The following RARB variants were observed in gnomAD, a reference collection of about 807,000 sequenced individuals.
RARB encodes retinoic acid receptor beta.
Under a neutral mutation model 51.9 loss-of-function variants are expected in RARB, and 17 were observed. That is an observed-to-expected ratio of 0.33 (90% CI 0.22 to 0.49). RARB has a LOEUF of 0.49. Among genes scored for constraint, RARB ranks in the 20% least tolerant of loss-of-function variants. RARB has a pLI of 0.99. For missense variants in RARB, 369 were observed against 550.8 expected (o/e 0.67, Z 3.30); for synonymous variants, 215 against 195.4 (o/e 1.10, Z -0.84).
At chr3:24,911,251 A>C (rs192335327) in intron 2 of RARB, among the ~76,000 whole-genome samples, 2 of 152,320 alleles carry the variant, frequency 1.3e-5, no homozygotes, top group African/African-American at 4.8e-5. Flanking sequence ...TAGAATTCTT[A>C]AGAAATGAAC....
chr3:24,990,164 T>C (rs1174569868), intron 2 of RARB, among the ~76,000 whole-genome samples: 3 of 106,334 alleles, frequency 2.8e-5, no homozygotes, highest in African/African-American at 1.1e-4. Context: ...TTATTTTCTT[T>C]TTTTCTTCTT....
At chr3:25,345,908 A>C (rs1705378971) in intron 5 of RARB, 2 of 889,508 alleles carry the variant, frequency 2.2e-6, no homozygotes, top group Non-Finnish European at 2.7e-6. Flanking sequence ...TGTCAGTTTA[A>C]AAAAAGAGAG....
intron 2 of RARB, among the ~76,000 whole-genome samples, chr3:25,008,939 A>G (rs1697335166): frequency 6.6e-6 from 1 of 152,146 alleles, no homozygotes; most frequent in Admixed American, 6.6e-5. Context: ...ACTAGTAACA[A>G]CAACTATACT....
chr3:25,429,219 G>C (rs146457804), intron 1 of RARB, among the ~76,000 whole-genome samples: 1 of 152,266 alleles, frequency 6.6e-6, no homozygotes, highest in African/African-American at 2.4e-5. Context: ...TCTTCAAGTA[G>C]GGCAATTTGA....
At chr3:25,349,910 A>G (rs138073026) in intron 5 of RARB, among the ~76,000 whole-genome samples, 73 of 151,920 alleles carry the variant, frequency 4.8e-4, no homozygotes, top group African/African-American at 1.7e-3. Context: ...AGAACAGTCT[A>G]TTTCCAAATG....
At chr3:25,048,015 G>T (rs539324047) in intron 2 of RARB, among the ~76,000 whole-genome samples, 1 of 152,294 alleles carries the variant, frequency 6.6e-6, no homozygotes, top group East Asian at 1.9e-4. Flanking sequence ...CCCTGCACAA[G>T]CTCTCTCACC....
intron 3 of RARB, among the ~76,000 whole-genome samples, chr3:25,527,683 A>T (rs968744045): frequency 2.0e-5 from 3 of 152,324 alleles, no homozygotes; most frequent in Middle Eastern, 3.4e-3. Flanking sequence ...TTTTAAGGTA[A>T]AAAGGGTTTT....
chr3:24,981,499 C>G (rs945194820), intron 2 of RARB, among the ~76,000 whole-genome samples: 1 of 152,108 alleles, frequency 6.6e-6, no homozygotes, highest in African/African-American at 2.4e-5. Flanking sequence ...CAGTGGACGC[C>G]CCTCCCCCCA....
At chr3:24,985,260 T>C (rs1233044602) in intron 2 of RARB, among the ~76,000 whole-genome samples, 3 of 152,172 alleles carry the variant, frequency 2.0e-5, no homozygotes, top group African/African-American at 7.2e-5. Context: ...GGCATTGAGA[T>C]TGCACGCCAA....
intron 2 of RARB, among the ~76,000 whole-genome samples, chr3:25,038,485 A>G (rs1182650850): frequency 6.6e-6 from 1 of 152,148 alleles, no homozygotes; most frequent in Non-Finnish European, 1.5e-5. Flanking sequence ...TGACCCCCAC[A>G]CATTGTTAGA....
intron 4 of RARB, among the ~76,000 whole-genome samples, chr3:25,161,244 C>T (rs569507860): frequency 6.3e-4 from 95 of 151,096 alleles, no homozygotes; most frequent in African/African-American, 2.0e-3. Flanking sequence ...GACAGGGTTT[C>T]GCTATGTTTG....
intron 4 of RARB, among the ~76,000 whole-genome samples, chr3:25,147,657 T>A (rs572658410): frequency 1.3e-5 from 2 of 152,144 alleles, no homozygotes; most frequent in Non-Finnish European, 2.9e-5. Context: ...GACCTGACAT[T>A]TGTTTGTAAG....
intron 2 of RARB, among the ~76,000 whole-genome samples, chr3:25,059,780 G>A (rs555127200): frequency 1.1e-4 from 17 of 151,738 alleles, no homozygotes; most frequent in East Asian, 3.9e-4. Flanking sequence ...AATCAGGGCC[G>A]AGGATTCTTT....
intron 4 of RARB, among the ~76,000 whole-genome samples, chr3:25,149,157 G>A (rs1266317231): frequency 6.6e-6 from 1 of 152,178 alleles, no homozygotes; most frequent in Non-Finnish European, 1.5e-5. Context: ...AGAGAAGGGT[G>A]ATGAGATTGG....
chr3:24,989,094 G>A (rs568133359), intron 2 of RARB, among the ~76,000 whole-genome samples: 1 of 152,312 alleles, frequency 6.6e-6, no homozygotes, highest in Non-Finnish European at 1.5e-5. Flanking sequence ...CCAAAGTGCT[G>A]GGATTACAGG....
At chr3:25,284,577 G>A (rs1335548740) in intron 5 of RARB, among the ~76,000 whole-genome samples, 4 of 152,068 alleles carry the variant, frequency 2.6e-5, no homozygotes, top group Non-Finnish European at 2.9e-5. Flanking sequence ...AGTGAGGGAA[G>A]CAGCATTCTA....
At chr3:25,121,216 G>T (rs1699778790) in intron 3 of RARB, among the ~76,000 whole-genome samples, 1 of 152,082 alleles carries the variant, frequency 6.6e-6, no homozygotes, top group Admixed American at 6.6e-5. Flanking sequence ...AGGTGGAAAA[G>T]GGAGAATTTT....
At chr3:25,193,927 A>C (rs1701165081) in intron 5 of RARB, among the ~76,000 whole-genome samples, 1 of 152,000 alleles carries the variant, frequency 6.6e-6, no homozygotes, top group Non-Finnish European at 1.5e-5. Context: ...TAAGATGATT[A>C]TTTAGCTACA....
At chr3:25,256,527 G>C (rs917678029) in intron 5 of RARB, among the ~76,000 whole-genome samples, 1 of 152,096 alleles carries the variant, frequency 6.6e-6, no homozygotes, top group Non-Finnish European at 1.5e-5. Flanking sequence ...TGTCCATGTT[G>C]TTTTAAAAAT....
Sources: gnomAD v4.1 joint callset for allele counts (sites outside exome capture counted in the v4.1 genomes callset) on GRCh38, gnomAD v4.1.1 for gene constraint, MANE v1.5 for transcripts, NCBI Gene and HGNC (gene_info 2026-07-23, HGNC 2026-07-21) for gene names.